Variants in RHOBTB2 observed in about 807,000 individuals in gnomAD.
RHOBTB2 encodes Rho related BTB domain containing 2.
A neutral mutation model predicts 66.5 loss-of-function variants in RHOBTB2; 39 were observed. The observed-to-expected ratio is 0.59, with a 90% CI of 0.45 to 0.77. The LOEUF (loss-of-function observed/expected upper bound fraction) is 0.77. Ranked by LOEUF, RHOBTB2 falls within the 30% of genes least tolerant of loss-of-function variation. The pLI, the probability that RHOBTB2 is intolerant of heterozygous loss-of-function variation, is 0.00. For synonymous variants in RHOBTB2, 390 were observed against 395.0 expected (o/e 0.99, Z 0.15); for missense variants, 755 against 999.1 (o/e 0.76, Z 3.29).
In RHOBTB2 at chr8:23,004,155, T is replaced by C. The variant is rs905789738; in HGVS notation, c.-10-270T>C. 3.3e-5 allele frequency: 16 copies of C among 491,402 alleles called. No individual in the cohort carries two copies. The highest frequency in any genetic ancestry group is 3.1e-4 in the African/African-American group (16 of 51,332). The allele number at this position is 491,402 out of a possible 1,614,324, so 30.4% of individuals were successfully genotyped here. A position where few individuals can be genotyped will look rare whatever the true frequency, so the allele number is the denominator to read the frequency against. ...ACTGGTGATCTCGCGTAGGTCTCCT[T>C]CATCCAGACGCACAGCTGGAGGATC... is the stretch of plus-strand genomic sequence containing the variant. On this transcript the variant is annotated intron_variant, in intron 1 of 9. Coordinates refer to ENST00000251822, the MANE Select transcript of RHOBTB2 (RefSeq NM_015178.3). This position sits in a 1 kb window ranked among gnomAD's most constrained non-coding sequence, Gnocchi z 6.4.
Position 22,999,958 on chromosome 8 carries a change from AGGCT to A in RHOBTB2, c.-155_-152del. ...TCTGAGTGGCCGCGAGCTGGCCGGG[AGGCT>A]GGAGCCCAGCAGCAGCGCGGCGGCG... On this transcript the variant is annotated 5_prime_UTR_variant, in exon 1 of 10. Transcript: ENST00000251822. 1 of 985,440 alleles carries A rather than the reference AGGCT, an allele frequency of 1.0e-6. No individual in the cohort carries two copies. Among genetic ancestry groups the A allele is most frequent in the Non-Finnish European group, 1.2e-6 (1 of 829,958 alleles). The allele number at this position is 985,440 out of a possible 1,614,324, so 61.0% of individuals were successfully genotyped here.
chr8:22,973,296 A>G, the RHOBTB2 span, among the ~76,000 whole-genome samples: 3 of 152,080 alleles, frequency 2.0e-5, no homozygotes, highest in African/African-American at 4.8e-5. Context: ...TGGCCCGATC[A>G]TCGCTCATTG....
rs769323162 is a variant in RHOBTB2 at position 23,007,765 on chromosome 8, A to G, written c.1501+19A>G. On this transcript the variant is annotated intron_variant, in intron 5 of 9. Coordinates refer to ENST00000251822, the MANE Select transcript of RHOBTB2 (RefSeq NM_015178.3). The stretch of plus-strand genomic sequence containing the variant: ...TTCTCAGGTATGGAACAGGCTTGGA[A>G]AGCAAGGGGGTTCTGCATTGGTGCT... 3 of 1,608,294 alleles carry G rather than the reference A, an allele frequency of 1.9e-6. No homozygotes were observed. In the South Asian group the frequency reaches 3.3e-5, roughly 18 times the overall value.
chr8:22,999,077 A>C (rs1175181559), upstream of RHOBTB2: 3 of 152,372 alleles, frequency 2.0e-5, no homozygotes, highest in East Asian at 5.8e-4. Flanking sequence ...GAAGGCTCTC[A>C]AGTGCCACGA....
chr8:23,007,375 G>T lies in RHOBTB2; in HGVS notation c.1130G>T (p.Gly377Val). 3 of 1,614,066 alleles carry T rather than the reference G, an allele frequency of 1.9e-6. No homozygotes were observed. The South Asian group carries it at 3.3e-5, about 18-fold the overall frequency. The change falls in exon 5 of 10, where the codon GGG (glycine) becomes GTG (valine). Residue 377 changes from glycine to valine, a missense_variant. Gly to Val is a moderately radical substitution (Grantham distance 109). Coordinates refer to ENST00000251822, the MANE Select transcript of RHOBTB2 (RefSeq NM_015178.3). Reference sequence around the variant, plus strand: ...GGGATCTTACGGGGCAACGGAACAGGGTACCTACCGGGCAGGGGTCGTGTG... The same window carrying T: ...GGGATCTTACGGGGCAACGGAACAGTGTACCTACCGGGCAGGGGTCGTGTG... ...SDGILRGNGT[G>V]YLPGRGRVLS...
In RHOBTB2 at chr8:22,999,616, T is replaced by C; in HGVS notation, c.-500T>C. On this transcript the variant is annotated 5_prime_UTR_variant, in exon 1 of 10. Transcript: ENST00000251822. Reference sequence around the variant, plus strand: ...TCCTTTTTTTACCCTCCCGTTTTTTTCTTTTCTTTTTTTTTTCCCTATCCT... The same window carrying C: ...TCCTTTTTTTACCCTCCCGTTTTTTCCTTTTCTTTTTTTTTTCCCTATCCT... 1 of 1,239,094 alleles carries C rather than the reference T, an allele frequency of 8.1e-7. No homozygotes were observed. The highest frequency in any genetic ancestry group is 1.3e-5 in the South Asian group (1 of 75,140). The allele number at this position is 1,239,094 out of a possible 1,614,324, so 76.8% of individuals were successfully genotyped here.
chr8:23,002,317 A>G (rs1810807561), intron 1 of RHOBTB2, among the ~76,000 whole-genome samples: 1 of 152,220 alleles, frequency 6.6e-6, no homozygotes, highest in Non-Finnish European at 1.5e-5. Context: ...GAGATCAGGA[A>G]CTGTCAAAGT....
At chr8:22,965,171 G>C in the RHOBTB2 span, among the ~76,000 whole-genome samples, 1 of 152,076 alleles carries the variant, frequency 6.6e-6, no homozygotes, top group Non-Finnish European at 1.5e-5. Context: ...CATATTTATT[G>C]TCTTTTGTAT....
exon 1 of RHOBTB2, chr8:22,987,542 A>T (rs1810312156): frequency 6.6e-6 from 1 of 152,356 alleles, no homozygotes; most frequent in South Asian, 2.1e-4. Context: ...AGGCCAGCAG[A>T]GCCCCAGAGG....
At chr8:22,974,408 G>A in the RHOBTB2 span, among the ~76,000 whole-genome samples, 1 of 152,220 alleles carries the variant, frequency 6.6e-6, no homozygotes, top group Non-Finnish European at 1.5e-5. Flanking sequence ...AGTGCGGGGT[G>A]CAGGGTGGCC....
In RHOBTB2 at chr8:23,007,445, G is replaced by T. The variant is rs2128804888; in HGVS notation, c.1200G>T (p.Met400Ile). The change falls in exon 5 of 10, where the codon ATG becomes ATT. Residue 400 changes from methionine to isoleucine, a missense_variant. By Grantham distance (10) the Met-to-Ile change is conservative. Around this residue, in one of 7 missense-constraint regions of RHOBTB2, gnomAD observed 353 missense variants for 458.2 expected, o/e 0.77. Coordinates refer to ENST00000251822, the MANE Select transcript of RHOBTB2 (RefSeq NM_015178.3). ...SRAFVSIQEE[M>I]AEDPLTYKSR... ...CTTTTGTGAGCATCCAGGAAGAGAT[G>T]GCAGAAGATCCTCTCACCTACAAAT... The T allele has an allele frequency of 6.2e-7, 1 of 1,614,188 alleles. No homozygotes were observed. The highest frequency in any genetic ancestry group is 8.5e-7 in the Non-Finnish European group (1 of 1,180,036).
chr8:22,983,805 G>C (rs1321473248), upstream of RHOBTB2, among the ~76,000 whole-genome samples: 1 of 152,040 alleles, frequency 6.6e-6, no homozygotes, highest in South Asian at 2.1e-4. Flanking sequence ...CGCCATCTTG[G>C]CTCATTGCAA....
At chr8:22,965,896 C>T in the RHOBTB2 span, among the ~76,000 whole-genome samples, 2 of 152,042 alleles carry the variant, frequency 1.3e-5, no homozygotes, top group African/African-American at 2.4e-5. Context: ...ATAAAAAAGA[C>T]AGACAACAAT....
the RHOBTB2 span, among the ~76,000 whole-genome samples, chr8:22,955,079 C>T: frequency 1.4e-4 from 22 of 152,162 alleles, no homozygotes; most frequent in African/African-American, 4.8e-4. Context: ...TGCAATAAGC[C>T]GAGATTGCAC....
At chr8:22,962,458 T>C in the RHOBTB2 span, among the ~76,000 whole-genome samples, 2 of 152,194 alleles carry the variant, frequency 1.3e-5, no homozygotes, top group Non-Finnish European at 2.9e-5. Context: ...TTTGAGGATA[T>C]GGCAGTTCCA....
the RHOBTB2 span, among the ~76,000 whole-genome samples, chr8:22,964,691 A>G: frequency 6.6e-6 from 1 of 152,170 alleles, no homozygotes; most frequent in African/African-American, 2.4e-5. Flanking sequence ...TCAGTGAGCA[A>G]TATCTTTATT....
At position 23,004,470 on chromosome 8, in the gene RHOBTB2, A is replaced by G. The variant is rs773051183; in HGVS notation, c.36A>G (p.Val12=). The G allele has an allele frequency of 6.2e-7, 1 of 1,614,178 alleles. No homozygotes were observed. The highest frequency in any genetic ancestry group is 8.5e-7 in the Non-Finnish European group (1 of 1,179,986). Residue 12 remains valine (V), a synonymous_variant, in exon 2 of 10, where the codon GTA becomes GTG. Coordinates refer to ENST00000251822, the MANE Select transcript of RHOBTB2 (RefSeq NM_015178.3). The surrounding 1 kb of genome is among the most constrained non-coding windows in gnomAD (Gnocchi z 6.4). Reference sequence around the variant, plus strand: ...ACATGGATTATGAAAGGCCAAACGTAGAGACCATCAAGTGCGTTGTGGTGG... The same window carrying G: ...ACATGGATTATGAAAGGCCAAACGTGGAGACCATCAAGTGCGTTGTGGTGG... ...DSDMDYERPN[V]ETIKCVVVGD...
rs550302140 is a variant in RHOBTB2, at chr8:23,010,602, T to C, written c.1685T>C (p.Met562Thr). ...RAVLEYLYTGMFTSSPDLDDM... is the reference protein window; with the variant it reads ...RAVLEYLYTGTFTSSPDLDDM... Reference sequence around the variant, plus strand: ...GTGCTGGAATACCTCTACACCGGCATGTTCACCTCCAGCCCCGACCTGGAT... The same window carrying C: ...GTGCTGGAATACCTCTACACCGGCACGTTCACCTCCAGCCCCGACCTGGAT... Residue 562 changes from methionine to threonine, a missense_variant, in exon 7 of 10, where the codon ATG becomes ACG. Physicochemically the swap from Met to Thr is moderately conservative, Grantham distance 81. This residue lies in a region of RHOBTB2 where 353 missense variants were observed against 458.2 expected (regional missense o/e 0.77). Coordinates refer to ENST00000251822, the MANE Select transcript of RHOBTB2 (RefSeq NM_015178.3). The C allele has an allele frequency of 1.2e-6, 2 of 1,614,202 alleles. No homozygotes were observed. The highest frequency in any genetic ancestry group is 1.7e-5 in the Admixed American group (1 of 60,030).
chr8:22,969,943 G>A, the RHOBTB2 span, among the ~76,000 whole-genome samples: 2 of 152,100 alleles, frequency 1.3e-5, no homozygotes, highest in African/African-American at 2.4e-5. Context: ...GTAGAGATGG[G>A]GTTTCCACAT....
Sources: gnomAD v4.1 joint callset for allele counts (sites outside exome capture counted in the v4.1 genomes callset) on GRCh38, gnomAD v4.1.1 for gene constraint, gnomAD v4.1.1 regional missense constraint, Gnocchi (gnomAD v3.1) non-coding constraint, MANE v1.5 for transcripts, NCBI Gene and HGNC (gene_info 2026-07-23, HGNC 2026-07-21) for gene names.